The following TMEM108 variants were observed in gnomAD, a reference collection of about 807,000 sequenced individuals.
The protein encoded by TMEM108 is cancer/testis antigen 124.
Under a neutral mutation model 35.1 loss-of-function variants are expected in TMEM108, and 12 were observed. That is an observed-to-expected ratio of 0.34 (90% CI 0.22 to 0.55). TMEM108 has a LOEUF of 0.55. TMEM108 is among the 20% of genes least tolerant of loss of function. The pLI is 0.89. For missense variants in TMEM108, 680 were observed against 753.3 expected, an observed-to-expected ratio of 0.90 and a Z score of 1.14; for synonymous variants, 287 against 308.6, an observed-to-expected ratio of 0.93 and a Z score of 0.73.
At chr3:133,158,033 G>C (rs1011902312) in intron 2 of TMEM108, among the ~76,000 whole-genome samples, 1 of 152,082 alleles carries the variant, frequency 6.6e-6, no homozygotes, top group Admixed American at 6.6e-5. Flanking sequence ...AGACAAGTGG[G>C]TTATCTCCTT....
intron 2 of TMEM108, among the ~76,000 whole-genome samples, chr3:133,209,361 A>G (rs536868907): frequency 7.9e-5 from 12 of 152,300 alleles, no homozygotes; most frequent in African/African-American, 2.9e-4. Context: ...TTGTTAGAAT[A>G]TAATTTGCTA....
intron 3 of TMEM108, among the ~76,000 whole-genome samples, chr3:133,300,894 A>T (rs941948751): frequency 2.0e-5 from 3 of 151,590 alleles, no homozygotes; most frequent in African/African-American, 7.3e-5. Flanking sequence ...GGAAGGGTCA[A>T]CCCCTACCCA....
rs550630576 is a variant in TMEM108 at position 133,099,133 on chromosome 3, C to A, written c.-47+53113C>A. Among the ~76,000 whole-genome samples, 7 of 152,346 alleles carry A rather than the reference C, an allele frequency of 4.6e-5. No individual in the cohort carries two copies. In the East Asian group the frequency reaches 7.7e-4, roughly 17 times the overall value. On this transcript the variant is annotated intron_variant, in intron 2 of 5. Coordinates refer to ENST00000321871, the MANE Select transcript of TMEM108 (RefSeq NM_023943.4). ...CTTCTGAAATCTAGGCAGAGGTTCC[C>A]AAACCTTAATTCTTGACTTCAGTGC... is the stretch of plus-strand genomic sequence containing the variant.
chr3:133,310,933 C>G (rs1306243758), intron 3 of TMEM108, among the ~76,000 whole-genome samples: 1 of 152,176 alleles, frequency 6.6e-6, no homozygotes, highest in Non-Finnish European at 1.5e-5. Flanking sequence ...GACAAAATCT[C>G]TCAACATTTG....
intron 2 of TMEM108, among the ~76,000 whole-genome samples, chr3:133,076,704 C>A (rs1222279681): frequency 6.6e-6 from 1 of 152,210 alleles, no homozygotes; most frequent in East Asian, 1.9e-4. Flanking sequence ...TATTGCCCAG[C>A]CATCCTCATT....
chr3:133,271,992 T>TA lies in TMEM108; in HGVS notation c.40+42646dup, dbSNP rs375652550. The stretch of plus-strand genomic sequence containing the variant: ...GCTATTGACAAAATTAATGAATCAA[T>TA]AAAAATGCATTTAAATTATGTTTTG... On this transcript the variant is annotated intron_variant, in intron 3 of 5. Coordinates refer to ENST00000321871, the MANE Select transcript of TMEM108 (RefSeq NM_023943.4). Among the ~76,000 whole-genome samples, 947 of 152,308 alleles carry TA rather than the reference T, an allele frequency of 6.2e-3. 12 individuals are homozygous for TA. Among genetic ancestry groups the TA allele is most frequent in the African/African-American group, 0.021 (890 of 41,572 alleles).
intron 2 of TMEM108, among the ~76,000 whole-genome samples, chr3:133,145,281 T>G (rs994195254): frequency 1.3e-5 from 2 of 152,116 alleles, no homozygotes; most frequent in East Asian, 3.9e-4. Flanking sequence ...TGTAGATGTG[T>G]GGTGTTATTT....
intron 2 of TMEM108, among the ~76,000 whole-genome samples, chr3:133,227,136 A>G (rs1039018959): frequency 6.6e-6 from 1 of 151,758 alleles, no homozygotes; most frequent in African/African-American, 2.4e-5. Flanking sequence ...AAACTATATC[A>G]GGAAGAAAAT....
chr3:133,066,142 T>G (rs544867317), intron 2 of TMEM108, among the ~76,000 whole-genome samples: 1 of 152,108 alleles, frequency 6.6e-6, no homozygotes, highest in Non-Finnish European at 1.5e-5. Flanking sequence ...TCCCATTACT[T>G]AGACTCGTCT....
chr3:133,100,331 G>A (rs367855865), intron 2 of TMEM108, among the ~76,000 whole-genome samples: 1 of 152,204 alleles, frequency 6.6e-6, no homozygotes, highest in Non-Finnish European at 1.5e-5. Context: ...ACCATATCAC[G>A]GGTCATGCCT....
intron 3 of TMEM108, among the ~76,000 whole-genome samples, chr3:133,320,207 GA>G: frequency 6.6e-6 from 1 of 152,216 alleles, no homozygotes; most frequent in Non-Finnish European, 1.5e-5. Flanking sequence ...AAAGAGTTCA[GA>G]AGGTTGATTA....
intron 3 of TMEM108, among the ~76,000 whole-genome samples, chr3:133,343,673 T>C (rs1006069090): frequency 1.3e-5 from 2 of 151,692 alleles, no homozygotes; most frequent in African/African-American, 4.8e-5. Context: ...TGCTTGTCAG[T>C]GATTGGGGGA....
Position 133,092,793 on chromosome 3 carries a change from A to G in TMEM108, c.-47+46773A>G, listed in dbSNP as rs117642404. Among the ~76,000 whole-genome samples the G allele has an allele frequency of 6.1e-4, 93 of 152,260 alleles. 1 individual carries two copies. In the East Asian group the frequency reaches 0.016, roughly 26 times the overall value. Reference sequence around the variant, plus strand: ...ATTGTATTCAGTGTTCCTTGAAGCTATATTTATATTATAATACATTCATTC... The same window carrying G: ...ATTGTATTCAGTGTTCCTTGAAGCTGTATTTATATTATAATACATTCATTC... On this transcript the variant is annotated intron_variant, in intron 2 of 5. Transcript: ENST00000321871.
chr3:133,068,410 C>G (rs1473012630), intron 2 of TMEM108, among the ~76,000 whole-genome samples: 1 of 151,958 alleles, frequency 6.6e-6, no homozygotes, highest in African/African-American at 2.4e-5. Context: ...ATAAAACTGG[C>G]ATGTTTAATA....
chr3:133,351,739 G>T (rs2072004981), intron 3 of TMEM108, among the ~76,000 whole-genome samples: 1 of 152,130 alleles, frequency 6.6e-6, no homozygotes, highest in African/African-American at 2.4e-5. Flanking sequence ...AAGTGATCAA[G>T]ATCACACAGC....
chr3:133,356,624 C>T (rs1232671504), intron 3 of TMEM108, among the ~76,000 whole-genome samples: 1 of 152,032 alleles, frequency 6.6e-6, no homozygotes, highest in Non-Finnish European at 1.5e-5. Context: ...TAAAAACAGG[C>T]ACTTAGACCA....
intron 3 of TMEM108, among the ~76,000 whole-genome samples, chr3:133,317,593 G>A (rs1396691288): frequency 7.5e-6 from 1 of 132,704 alleles, no homozygotes; most frequent in Non-Finnish European, 1.7e-5. Context: ...GAAATGTGAT[G>A]AGCATTAACA....
chr3:133,137,253 C>T (rs997541155), intron 2 of TMEM108, among the ~76,000 whole-genome samples: 5 of 152,280 alleles, frequency 3.3e-5, no homozygotes, highest in South Asian at 4.1e-4. Context: ...AGACTAAAGA[C>T]GCCATCCGAA....
intron 2 of TMEM108, among the ~76,000 whole-genome samples, chr3:133,130,685 A>C (rs564671226): frequency 1.2e-3 from 186 of 152,320 alleles, no homozygotes; most frequent in Admixed American, 2.7e-3. Flanking sequence ...AATAGATTCC[A>C]TCTCTTGATA....
Sources: gnomAD v4.1 joint callset for allele counts (sites outside exome capture counted in the v4.1 genomes callset) on GRCh38, gnomAD v4.1.1 for gene constraint, MANE v1.5 for transcripts, NCBI Gene and HGNC (gene_info 2026-07-23, HGNC 2026-07-21) for gene names.